SRSF4: variants seen among roughly 807,000 people sequenced by gnomAD.
SRSF4 encodes the protein serine/arginine-rich splicing factor 4.
Under a neutral mutation model 48.8 loss-of-function variants are expected in SRSF4, and 12 were observed. That is an observed-to-expected ratio of 0.25 (90% CI 0.16 to 0.40). The LOEUF (loss-of-function observed/expected upper bound fraction) is 0.40, where lower values mean the gene tolerates loss of function less well. Among genes scored for constraint, SRSF4 ranks in the 10% least tolerant of loss-of-function variants. The probability of loss-of-function intolerance (pLI) is 1.00; values close to 1 mark genes in which losing one functional copy is unlikely to be tolerated. For synonymous variants in SRSF4, 248 were observed against 232.5 expected (o/e 1.07, Z -0.61); for missense variants, 466 against 667.1 (o/e 0.70, Z 3.32).
chr1:29,168,608 G>A (rs541057405), intron 1 of SRSF4: 1 of 152,108 alleles, frequency 6.6e-6, no homozygotes, highest in Admixed American at 6.6e-5. Context: ...TGGTCCTTCC[G>A]AAAACATGTG....
At chr1:29,159,841 G>GGA (rs1553322468) in intron 2 of SRSF4, 93 of 163,262 alleles carry the variant, frequency 5.7e-4, no homozygotes, top group South Asian at 5.0e-3. Flanking sequence ...ATTTTATATG[G>GGA]AAAAAAAAAG....
At position 29,149,185 on chromosome 1, in the gene SRSF4, T is replaced by C. The variant is rs1398344133; in HGVS notation, c.710A>G (p.Gln237Arg). 4 of 1,610,718 alleles carry C rather than the reference T, an allele frequency of 2.5e-6. No individual in the cohort carries two copies. Among genetic ancestry groups the C allele is most frequent in the Admixed American group, 1.7e-5 (1 of 59,988 alleles). Reference protein sequence around the residue: ...RSRSKSRSRSQSRSRSKKEKS... With the variant: ...RSRSKSRSRSRSRSRSKKEKS... ...CTCTTTCTTGCTCCGGCTCCGACTC[T>C]GGCTCCGGCTCCGGCTCTTGCTCCG... The change falls in exon 6 of 6, where the codon CAG becomes CGG. Residue 237 changes from glutamine (Q) to arginine (R), a missense_variant. By Grantham distance (43) the Gln-to-Arg change is conservative. Around this residue, in one of 2 missense-constraint regions of SRSF4, gnomAD observed 402 missense variants for 437.0 expected, o/e 0.92. Transcript: ENST00000373795.
chr1:29,166,303 T>TA (rs1256769033), intron 1 of SRSF4, among the ~76,000 whole-genome samples: 1 of 152,106 alleles, frequency 6.6e-6, no homozygotes, highest in Non-Finnish European at 1.5e-5. Flanking sequence ...AGGACAGTAC[T>TA]AAAAAAACGG....
chr1:29,162,985 C>T (rs1208529081), intron 1 of SRSF4, among the ~76,000 whole-genome samples: 1 of 152,188 alleles, frequency 6.6e-6, no homozygotes, highest in Non-Finnish European at 1.5e-5. Flanking sequence ...TTCCAAGGCT[C>T]ATATGCAGAA....
chr1:29,154,626 A>C, intron 4 of SRSF4, 70 bp downstream of exon 4: 1 of 1,453,104 alleles, frequency 6.9e-7, no homozygotes. Context: ...AGGAAAATGT[A>C]AATAAATTAT....
At chr1:29,178,757 A>C (rs555403413) in intron 1 of SRSF4, among the ~76,000 whole-genome samples, 2 of 152,322 alleles carry the variant, frequency 1.3e-5, no homozygotes, top group South Asian at 4.1e-4. Context: ...TACGTAGCTA[A>C]GTTATGCTTT....
rs1471449065 is a variant in SRSF4, at chr1:29,148,513, C to A, written c.1382G>T (p.Arg461Ile). ...TCGGGTTTTTGAAGCTGACTTTGAT[C>A]TGGAGCGTGATTCTGATGGAAGGTT... ...KPNLPSESRS[R>I]SKSASKTRSR... Residue 461 changes from arginine to isoleucine, a missense_variant, in exon 6 of 6, where the codon AGA becomes ATA. Coordinates refer to ENST00000373795, the MANE Select transcript of SRSF4 (RefSeq NM_005626.5). 2 of 1,613,962 alleles carry A rather than the reference C, an allele frequency of 1.2e-6. No homozygotes were observed. The highest frequency in any genetic ancestry group is 1.6e-4 in the Middle Eastern group (1 of 6,084).
At chr1:29,153,881 G>T (rs970265281) in intron 4 of SRSF4, among the ~76,000 whole-genome samples, 1 of 150,608 alleles carries the variant, frequency 6.6e-6, no homozygotes, top group African/African-American at 2.4e-5. Flanking sequence ...GATTACAGGC[G>T]TGAGCCACTG....
rs906957377 is a variant in SRSF4, at chr1:29,155,011, C to T, written c.364-101G>A. The stretch of plus-strand genomic sequence containing the variant: ...TTTCCTTTAAGAAATGCCAGCATTC[C>T]GCAGAATAAAGTTTACTCTTAAATA... On this transcript the variant is annotated intron_variant, in intron 3 of 5. Transcript: ENST00000373795. 24 of 1,082,218 alleles carry T rather than the reference C, an allele frequency of 2.2e-5. No individual in the cohort carries two copies. In the African/African-American group the frequency reaches 2.4e-4, roughly 11 times the overall value. The allele number at this position is 1,082,218 out of a possible 1,614,324, so 67.0% of individuals were successfully genotyped here. A position where few individuals can be genotyped will look rare whatever the true frequency, so the allele number is the denominator to read the frequency against.
intron 1 of SRSF4, 84 bp from the exon 2 acceptor site, chr1:29,160,601 T>A: frequency 6.9e-7 from 1 of 1,458,556 alleles, no homozygotes. Flanking sequence ...ATGAGGTTCA[T>A]GCTTAGCAAA....
chr1:29,153,259 T>G (rs1016209458), intron 4 of SRSF4, among the ~76,000 whole-genome samples: 1 of 152,078 alleles, frequency 6.6e-6, no homozygotes, highest in African/African-American at 2.4e-5. Context: ...TGCCTCAGCC[T>G]CCCTAGTAGC....
At chr1:29,170,823 A>C (rs1001420126) in intron 1 of SRSF4, 1 of 150,256 alleles carries the variant, frequency 6.7e-6, no homozygotes, top group Middle Eastern at 3.2e-3. Context: ...TCTTCTCTCT[A>C]GGTCTTGGGG....
rs757234094 is a variant in SRSF4 at position 29,148,389 on chromosome 1, TC to T, written c.*20del. ...ATGTACAAAAGACTTCTCGGGTAGT[TC>T]CAGCTGTGGCCATAGCCAGTTAGGA... On this transcript the variant is annotated 3_prime_UTR_variant, in exon 6 of 6. Coordinates refer to ENST00000373795, the MANE Select transcript of SRSF4 (RefSeq NM_005626.5). 1.3e-6 allele frequency: 2 copies of T among 1,568,042 alleles called. No individual in the cohort carries two copies. The highest frequency in any genetic ancestry group is 1.4e-5 in the African/African-American group (1 of 73,530).
Position 29,159,552 on chromosome 1 carries a change from A to G in SRSF4, c.251-66T>C, listed in dbSNP as rs1672560764. On this transcript the variant is annotated intron_variant, in intron 2 of 5. Coordinates refer to ENST00000373795, the MANE Select transcript of SRSF4 (RefSeq NM_005626.5). ...AAAAGGAAAAAAAATGACACAGCAC[A>G]CACCCCCCCTTAAATATATTATTTA... 11 of 1,071,034 alleles carry G rather than the reference A, an allele frequency of 1.0e-5. No individual in the cohort carries two copies. In the Admixed American group the frequency reaches 1.8e-4, roughly 18 times the overall value. The allele number at this position is 1,071,034 out of a possible 1,614,324, so 66.3% of individuals were successfully genotyped here.
At position 29,154,900 on chromosome 1, in the gene SRSF4, C is replaced by T; in HGVS notation, c.374G>A (p.Arg125His). 3 of 1,613,108 alleles carry T rather than the reference C, an allele frequency of 1.9e-6. No individual in the cohort carries two copies. The highest frequency in any genetic ancestry group is 2.5e-6 in the Non-Finnish European group (3 of 1,179,802). ...TGCATAAGTCACTTCTCCTGCCTGA[C>T]GCATATAATCCTGAAGAAAAAAAAA... is the stretch of plus-strand genomic sequence containing the variant. ...CSWQDLKDYMRQAGEVTYADA... is the reference protein window; with the variant it reads ...CSWQDLKDYMHQAGEVTYADA... Residue 125 changes from arginine to histidine, a missense_variant, in exon 4 of 6, where the codon CGT becomes CAT. Physicochemically the swap from Arg to His is conservative, Grantham distance 29 (BLOSUM62 0). This residue lies in a region of SRSF4 where 64 missense variants were observed against 230.2 expected (regional missense o/e 0.28). Transcript: ENST00000373795.
At position 29,163,531 on chromosome 1, in the gene SRSF4, C is replaced by T. The variant is rs78486537; in HGVS notation, c.108-3014G>A. On this transcript the variant is annotated intron_variant, in intron 1 of 5. Transcript: ENST00000373795. ...ATCAGTGTGGTTGTTTCTACCAAGT[C>T]TGCTTTACTTGAAGAATGACTTAAT... Among the ~76,000 whole-genome samples the T allele has an allele frequency of 6.2e-3, 941 of 152,268 alleles. 9 individuals carry two copies. Among genetic ancestry groups the T allele is most frequent in the African/African-American group, 0.022 (895 of 41,542 alleles).
intron 3 of SRSF4, among the ~76,000 whole-genome samples, chr1:29,158,752 G>A (rs1672544261): frequency 6.6e-6 from 1 of 152,058 alleles, no homozygotes; most frequent in South Asian, 2.1e-4. Flanking sequence ...ACCAGTCGGG[G>A]TAACATAGTG....
chr1:29,148,669 C>T lies in SRSF4; in HGVS notation c.1226G>A (p.Arg409His), dbSNP rs539999150. Residue 409 changes from arginine to histidine, a missense_variant, in exon 6 of 6, where the codon CGC (arginine) becomes CAC (histidine). By Grantham distance (29) the Arg-to-His change is conservative (BLOSUM62 0). Transcript: ENST00000373795. ...TDRSQSRSPS[R>H]SVSKEREHAK... is the part of the protein sequence containing the mutation. The stretch of plus-strand genomic sequence containing the variant: ...ATGTTCCCGCTCCTTTGACACGGAG[C>T]GGGATGGAGATCTGGACTGGGAGCG... The T allele has an allele frequency of 1.5e-5, 24 of 1,613,844 alleles. No individual in the cohort carries two copies. The highest frequency in any genetic ancestry group is 4.5e-5 in the East Asian group (2 of 44,872).
At chr1:29,172,863 CA>C (rs571357889) in intron 1 of SRSF4, 2 of 149,362 alleles carry the variant, frequency 1.3e-5, no homozygotes, top group African/African-American at 2.5e-5. Context: ...ATTAGGAGAC[CA>C]AAAAAAAGGT....
Sources: allele counts gnomAD v4.1 joint callset (sites outside exome capture counted in the v4.1 genomes callset), GRCh38; gene constraint gnomAD v4.1.1; regional missense constraint gnomAD v4.1.1; transcripts MANE v1.5; gene names NCBI Gene and HGNC (gene_info 2026-07-23, HGNC 2026-07-21).